The following GSE1 variants were observed in gnomAD, a reference collection of about 807,000 sequenced individuals.
The protein encoded by GSE1 is genetic suppressor element 1.
Under a neutral mutation model 112.6 loss-of-function variants are expected in GSE1, and 32 were observed. The observed-to-expected ratio is 0.28, with a 90% CI of 0.21 to 0.38. The LOEUF is 0.38. Ranked by LOEUF, GSE1 falls within the 10% of genes least tolerant of loss-of-function variation. The probability of loss-of-function intolerance (pLI) is 1.00; values close to 1 mark genes in which losing one functional copy is unlikely to be tolerated. For missense variants in GSE1, 2,348 were observed against 1,699.2 expected, an observed-to-expected ratio of 1.38 and a Z score of -6.71; for synonymous variants, 1,115 against 735.6, an observed-to-expected ratio of 1.52 and a Z score of -8.35.
chr16:85,503,086 C>G (rs1043153321), intron 2 of GSE1, among the ~76,000 whole-genome samples: 12 of 152,186 alleles, frequency 7.9e-5, no homozygotes, highest in Non-Finnish European at 1.8e-4. Context: ...TTGAGGGGTG[C>G]CCCGGGCAGA....
chr16:85,408,841 C>G (rs1304133244), intron 2 of GSE1, among the ~76,000 whole-genome samples: 1 of 53,384 alleles, frequency 1.9e-5, no homozygotes, highest in Admixed American at 1.6e-4. Context: ...CACTGTTACA[C>G]TCAGGCCCCC....
chr16:85,669,579 G>A (rs535909405), intron 14 of GSE1, among the ~76,000 whole-genome samples: 17 of 152,020 alleles, frequency 1.1e-4, no homozygotes, highest in Non-Finnish European at 2.1e-4. Context: ...TAGTGCACTC[G>A]TATATATCCA....
At chr16:85,321,179 G>C (rs13380565) in intron 1 of GSE1, among the ~76,000 whole-genome samples, 3,247 of 152,234 alleles carry the variant, frequency 0.021, 119 homozygotes, top group African/African-American at 0.075. Context: ...AACAGTTCCT[G>C]GCACACAGTA....
intron 1 of GSE1, among the ~76,000 whole-genome samples, chr16:85,239,973 CTG>C (rs1424382294): frequency 6.6e-6 from 1 of 152,244 alleles, no homozygotes; most frequent in Non-Finnish European, 1.5e-5. Flanking sequence ...TGACATTGAA[CTG>C]TGTGCGCTTC....
At chr16:85,614,645 G>A (rs2048255278) in intron 1 of GSE1, among the ~76,000 whole-genome samples, 1 of 152,212 alleles carries the variant, frequency 6.6e-6, no homozygotes, top group Non-Finnish European at 1.5e-5. Flanking sequence ...CTGGCGGTGG[G>A]GGAGCACCTG....
intron 3 of GSE1, among the ~76,000 whole-genome samples, chr16:85,652,602 G>A (rs2051464463): frequency 6.6e-6 from 1 of 152,228 alleles, no homozygotes; most frequent in African/African-American, 2.4e-5. Context: ...TCTCCTGGAG[G>A]GTGGAGAGAG....
chr16:85,188,901 C>G (rs996554190), intron 1 of GSE1, among the ~76,000 whole-genome samples: 1 of 152,068 alleles, frequency 6.6e-6, no homozygotes. Flanking sequence ...TTTCTTAACC[C>G]TCAAAATTTA....
At chr16:85,360,248 G>A (rs2047034942) in intron 2 of GSE1, among the ~76,000 whole-genome samples, 1 of 150,968 alleles carries the variant, frequency 6.6e-6, no homozygotes, top group Admixed American at 6.6e-5. Context: ...GGGGTACGTT[G>A]GGGGCGGGGG....
chr16:85,275,414 A>C (rs1245910729), intron 1 of GSE1, among the ~76,000 whole-genome samples: 1 of 152,014 alleles, frequency 6.6e-6, no homozygotes, highest in African/African-American at 2.4e-5. Flanking sequence ...CTGAGGGCTC[A>C]CTCCCTTGGC....
chr16:85,517,236 GTC>G (rs1369548531), intron 2 of GSE1, among the ~76,000 whole-genome samples: 1 of 152,096 alleles, frequency 6.6e-6, no homozygotes, highest in Admixed American at 6.5e-5. Flanking sequence ...CCCTCCTGGT[GTC>G]TCTGTGGGAG....
In GSE1 at chr16:85,218,477, T is replaced by C. The variant is rs988865174; in HGVS notation, c.2283+46670T>C. On this transcript the variant is annotated intron_variant, in intron 1 of 2. Coordinates refer to the GSE1 transcript ENST00000637419. ...AGACCTGCGGAGTGCCAGGCACACT[T>C]CTGGGGCTGCACGTGAAACGAGACG... is the stretch of plus-strand genomic sequence containing the variant. Among the ~76,000 whole-genome samples, 4 of 152,232 alleles carry C rather than the reference T, an allele frequency of 2.6e-5. No individual in the cohort carries two copies. The East Asian group carries it at 7.7e-4, about 29-fold the overall frequency.
At chr16:85,495,637 C>T (rs907474963) in intron 2 of GSE1, among the ~76,000 whole-genome samples, 8 of 152,014 alleles carry the variant, frequency 5.3e-5, no homozygotes, top group Non-Finnish European at 1.0e-4. Context: ...ATTACAGGTG[C>T]GCACTACCAC....
At chr16:85,462,764 A>T (rs1471156210) in intron 2 of GSE1, among the ~76,000 whole-genome samples, 1 of 114,116 alleles carries the variant, frequency 8.8e-6, no homozygotes, top group Non-Finnish European at 1.7e-5. Context: ...GGTGGCTGCG[A>T]GGCAGCCGCG....
chr16:85,457,687 T>A lies in GSE1; in HGVS notation c.2464+100044T>A, dbSNP rs150877509. Among the ~76,000 whole-genome samples the A allele has an allele frequency of 4.2e-4, 64 of 152,118 alleles. 1 individual carries two copies. The East Asian group carries it at 9.9e-3, about 24-fold the overall frequency. On this transcript the variant is annotated intron_variant, in intron 2 of 2. Coordinates refer to the GSE1 transcript ENST00000637419. ...ATGCCCCAGGAAGGAGACTTGGGGG[T>A]GATTGCACCCCCACCCTCTGTCCTA...
chr16:85,295,328 C>T (rs2045336703), intron 1 of GSE1, among the ~76,000 whole-genome samples: 1 of 152,192 alleles, frequency 6.6e-6, no homozygotes, highest in South Asian at 2.1e-4. Context: ...GGGGCGAAAC[C>T]CTGTCTCTAC....
intron 1 of GSE1, among the ~76,000 whole-genome samples, chr16:85,631,963 G>A (rs1383656261): frequency 6.6e-6 from 1 of 152,266 alleles, no homozygotes; most frequent in Non-Finnish European, 1.5e-5. Context: ...TGGGGGCAGC[G>A]TGGCTGGCGG....
intron 2 of GSE1, among the ~76,000 whole-genome samples, chr16:85,413,526 G>A (rs914533853): frequency 8.5e-5 from 13 of 152,140 alleles, no homozygotes; most frequent in African/African-American, 2.2e-4. Flanking sequence ...TGAGGGTCCC[G>A]GTGGTCTCCA....
exon 1 of GSE1, chr16:85,171,601 C>T: frequency 1.0e-6 from 1 of 985,584 alleles, no homozygotes; most frequent in Non-Finnish European, 1.2e-6. Context: ...GGAGAAGAAA[C>T]GGTGTCTGGG....
At chr16:85,549,494 T>C (rs1383139473) in intron 2 of GSE1, among the ~76,000 whole-genome samples, 1 of 152,220 alleles carries the variant, frequency 6.6e-6, no homozygotes, top group Admixed American at 6.5e-5. Flanking sequence ...ACATCACTTT[T>C]GGCAGATTAC....
Sources: allele counts gnomAD v4.1 joint callset (sites outside exome capture counted in the v4.1 genomes callset), GRCh38; gene constraint gnomAD v4.1.1; transcripts MANE v1.5; gene names NCBI Gene and HGNC (gene_info 2026-07-23, HGNC 2026-07-21).